The following CAMTA1 variants were observed in gnomAD, a reference collection of about 807,000 sequenced individuals.
CAMTA1 encodes the protein calmodulin binding transcription activator 1.
A neutral mutation model predicts 170.9 loss-of-function variants in CAMTA1; 27 were observed. The ratio of observed to expected loss-of-function variants is 0.16; its 90% CI spans 0.12 to 0.22. CAMTA1 has a LOEUF of 0.22. Among genes scored for constraint, CAMTA1 ranks in the 10% least tolerant of loss-of-function variants. The pLI, the probability that CAMTA1 is intolerant of heterozygous loss-of-function variation, is 1.00. For missense variants in CAMTA1, 1,619 were observed against 2,217.2 expected, an observed-to-expected ratio of 0.73 and a Z score of 5.42; for synonymous variants, 833 against 891.5, an observed-to-expected ratio of 0.93 and a Z score of 1.17.
rs779722434 is a variant in CAMTA1, at chr1:7,434,877, C to CAA, written c.439-32937_439-32936dup. The stretch of plus-strand genomic sequence containing the variant: ...GCAACATGGCAAAATCCTGTCTCTA[C>CAA]AAAAAAAAAAAAAAAAATACAGAAA... On this transcript the variant is annotated intron_variant, in intron 5 of 22. Transcript: ENST00000303635. 9.4e-3 allele frequency among the ~76,000 whole-genome samples: 782 copies of CAA among 83,442 alleles called. 13 individuals are homozygous for CAA. Among genetic ancestry groups the CAA allele is most frequent in the African/African-American group, 0.031 (732 of 23,714 alleles). 54.7% of individuals were successfully genotyped at this position (83,442 alleles called of 152,430 possible). A position where few individuals can be genotyped will look rare whatever the true frequency, so the allele number is the denominator to read the frequency against.
intron 11 of CAMTA1, among the ~76,000 whole-genome samples, chr1:7,704,538 G>A (rs1237561768): frequency 1.3e-5 from 2 of 148,212 alleles, no homozygotes; most frequent in African/African-American, 2.4e-5. Flanking sequence ...GTCCAGCGCG[G>A]CTCGGGCGCA....
intron 6 of CAMTA1, among the ~76,000 whole-genome samples, chr1:7,525,361 G>A (rs1430755040): frequency 1.3e-5 from 2 of 151,882 alleles, no homozygotes; most frequent in African/African-American, 4.8e-5. Flanking sequence ...CCCAGCTCCA[G>A]CCCTGACTCT....
chr1:7,470,315 G>T (rs2093307768), intron 6 of CAMTA1, among the ~76,000 whole-genome samples: 1 of 152,368 alleles, frequency 6.6e-6, no homozygotes, highest in Non-Finnish European at 1.5e-5. Flanking sequence ...GTGGCAGCCG[G>T]TGCCGCTCAG....
chr1:6,873,081 C>G (rs957533159), intron 3 of CAMTA1, among the ~76,000 whole-genome samples: 1 of 152,252 alleles, frequency 6.6e-6, no homozygotes, highest in Admixed American at 6.5e-5. Context: ...TACTTGGATG[C>G]CTGAAAAGCT....
chr1:7,088,027 G>T (rs1640975488), intron 3 of CAMTA1, among the ~76,000 whole-genome samples: 1 of 152,230 alleles, frequency 6.6e-6, no homozygotes, highest in Non-Finnish European at 1.5e-5. Flanking sequence ...GGCTGGGAAG[G>T]CTGGGCAACA....
intron 12 of CAMTA1, among the ~76,000 whole-genome samples, chr1:7,734,384 C>T (rs968675576): frequency 1.3e-5 from 2 of 152,200 alleles, no homozygotes; most frequent in African/African-American, 4.8e-5. Context: ...CATTTTAAAG[C>T]TCAGCCACTA....
At chr1:7,335,124 T>TGTGTGTGTGTGTGTGTGTGTGTG (rs2083271528) in intron 5 of CAMTA1, among the ~76,000 whole-genome samples, 2 of 19,178 alleles carry the variant, frequency 1.0e-4, no homozygotes, top group Non-Finnish European at 2.0e-4. Flanking sequence ...AGCACAGCTT[T>TGTGTGTGTGTGTGTGTGTGTGTG]TGTGTGTGTG....
At chr1:6,793,964 T>C (rs890645025) in intron 1 of CAMTA1, among the ~76,000 whole-genome samples, 7 of 152,150 alleles carry the variant, frequency 4.6e-5, no homozygotes, top group African/African-American at 1.7e-4. Context: ...AATAAGAAAT[T>C]GGTACAAAGT....
chr1:6,944,558 G>A (rs1687261510), intron 3 of CAMTA1, among the ~76,000 whole-genome samples: 1 of 152,082 alleles, frequency 6.6e-6, no homozygotes, highest in African/African-American at 2.4e-5. Flanking sequence ...CCTCTGCCTG[G>A]ACACCCTTCC....
Position 7,333,675 on chromosome 1 carries a change from AT to A in CAMTA1, c.438+84051del, listed in dbSNP as rs2083174171. Among the ~76,000 whole-genome samples, 1 of 152,210 alleles carries A rather than the reference AT, an allele frequency of 6.6e-6. No homozygotes were observed. Among genetic ancestry groups the A allele is most frequent in the Non-Finnish European group, 1.5e-5 (1 of 68,034 alleles). On this transcript the variant is annotated intron_variant, in intron 5 of 22. Transcript: ENST00000303635. The surrounding 1 kb of genome is among the most constrained non-coding windows in gnomAD (Gnocchi z 4.4). ...GGTTACAGCCTCCGCCATGTTGCAG[AT>A]TCTCCAATAAGCATCCCGGTGATCT...
chr1:7,423,220 C>G (rs1459777573), intron 5 of CAMTA1, among the ~76,000 whole-genome samples: 1 of 152,190 alleles, frequency 6.6e-6, no homozygotes, highest in African/African-American at 2.4e-5. Context: ...CCTGTAAGCC[C>G]AGCACTTTGG....
At chr1:6,822,103 C>T (rs1646554248) in intron 2 of CAMTA1, among the ~76,000 whole-genome samples, 3 of 152,124 alleles carry the variant, frequency 2.0e-5, no homozygotes, top group Admixed American at 2.0e-4. Context: ...TTGGTTGACA[C>T]TCCCACTTTT....
rs890019711 is a variant in CAMTA1 at position 7,703,870 on chromosome 1, G to T, written c.2914+26137G>T. Among the ~76,000 whole-genome samples the T allele has an allele frequency of 3.3e-5, 5 of 152,124 alleles. No individual in the cohort carries two copies. In the South Asian group the frequency reaches 1.0e-3, roughly 31 times the overall value. ...GTGCGGCTCGGGATTTGTGGCCGGG[G>T]CGAGAGACCCTCACGCAGAAGTCCC... On this transcript the variant is annotated intron_variant, in intron 11 of 22. Transcript: ENST00000303635.
intron 5 of CAMTA1, among the ~76,000 whole-genome samples, chr1:7,403,731 A>G (rs2090086587): frequency 6.6e-6 from 1 of 152,228 alleles, no homozygotes. Flanking sequence ...GGGACCATCT[A>G]GAACCTGGTT....
At position 7,677,651 on chromosome 1, in the gene CAMTA1, C is replaced by T. The variant is rs2096135960; in HGVS notation, c.2832C>T (p.Ile944=). 6.2e-7 allele frequency: 1 copy of T among 1,614,170 alleles called. No homozygotes were observed. The highest frequency in any genetic ancestry group is 8.5e-7 in the Non-Finnish European group (1 of 1,180,008). Residue 944 remains isoleucine, a synonymous_variant, in exon 11 of 23, where the codon ATC becomes ATT. Coordinates refer to ENST00000303635, the MANE Select transcript of CAMTA1 (RefSeq NM_015215.4). ...TLQVAFNNQI[I]SNSVVFEYKA... ...AAGTTGCCTTCAACAACCAGATCAT[C>T]TCCAACTCGGTGGTGTTTGAGTACA...
At chr1:7,153,558 A>G (rs1413700479) in intron 4 of CAMTA1, among the ~76,000 whole-genome samples, 2 of 152,056 alleles carry the variant, frequency 1.3e-5, no homozygotes, top group African/African-American at 4.8e-5. Flanking sequence ...AAGAAATAAC[A>G]CAAACCGACG....
At chr1:6,877,583 A>G (rs1158104702) in intron 3 of CAMTA1, among the ~76,000 whole-genome samples, 3 of 152,208 alleles carry the variant, frequency 2.0e-5, no homozygotes, top group Non-Finnish European at 4.4e-5. Flanking sequence ...CGTGGTTACC[A>G]TCACGCTGTG....
rs1007492279 is a variant in CAMTA1 at position 7,293,973 on chromosome 1, C to A, written c.438+44347C>A. Among the ~76,000 whole-genome samples, 6 of 152,226 alleles carry A rather than the reference C, an allele frequency of 3.9e-5. No homozygotes were observed. Among genetic ancestry groups the A allele is most frequent in the Non-Finnish European group, 8.8e-5 (6 of 68,032 alleles). ...CACCTGTTAAAGCTTGCAAAGATATCATCGGCAGGCATTTTCCCAGGGGAA... is the reference window on the plus strand; with the variant it reads ...CACCTGTTAAAGCTTGCAAAGATATAATCGGCAGGCATTTTCCCAGGGGAA... On this transcript the variant is annotated intron_variant, in intron 5 of 22. Transcript: ENST00000303635. This position sits in a 1 kb window ranked among gnomAD's most constrained non-coding sequence, Gnocchi z 4.1.
chr1:7,050,109 G>A lies in CAMTA1; in HGVS notation c.235-41195G>A, dbSNP rs1007490671. Among the ~76,000 whole-genome samples, 6 of 152,190 alleles carry A rather than the reference G, an allele frequency of 3.9e-5. No homozygotes were observed. The highest frequency in any genetic ancestry group is 2.1e-4 in the South Asian group (1 of 4,824). ...CACTGGGAGTGTTTGAAGGTCAGCC[G>A]GGAGACTGCGAGGCAGGAGCTGGTG... On this transcript the variant is annotated intron_variant, in intron 3 of 22. Coordinates refer to ENST00000303635, the MANE Select transcript of CAMTA1 (RefSeq NM_015215.4). This position sits in a 1 kb window ranked among gnomAD's most constrained non-coding sequence, Gnocchi z 4.8.
Sources: allele counts gnomAD v4.1 joint callset (sites outside exome capture counted in the v4.1 genomes callset), GRCh38; gene constraint gnomAD v4.1.1; non-coding constraint Gnocchi (gnomAD v3.1); transcripts MANE v1.5; gene names NCBI Gene and HGNC (gene_info 2026-07-23, HGNC 2026-07-21).